The following CD84 variants were observed in gnomAD, a reference collection of about 807,000 sequenced individuals.
The protein encoded by CD84 is CD84 molecule, also known as SLAM family member 5.
CD84 carries 22 observed loss-of-function variants against 33.8 expected under a neutral mutation model. That is an observed-to-expected ratio of 0.65 (90% CI 0.46 to 0.93). The LOEUF (loss-of-function observed/expected upper bound fraction) is 0.93, where lower values mean the gene tolerates loss of function less well. Ranked by LOEUF, CD84 falls within the 40% of genes least tolerant of loss-of-function variation. The pLI, the probability that CD84 is intolerant of heterozygous loss-of-function variation, is 0.00. For missense variants in CD84, 400 were observed against 397.6 expected, an observed-to-expected ratio of 1.01 and a Z score of -0.05; for synonymous variants, 154 against 145.2, an observed-to-expected ratio of 1.06 and a Z score of -0.44.
intron 1 of CD84, among the ~76,000 whole-genome samples, chr1:160,567,578 T>A (rs1657409906): frequency 6.6e-6 from 1 of 152,168 alleles, no homozygotes; most frequent in South Asian, 2.1e-4. Flanking sequence ...GACACAGGGA[T>A]AAACAGGACA....
chr1:160,548,127 C>T lies in CD84; in HGVS notation c.*129G>A. 3 of 939,846 alleles carry T rather than the reference C, an allele frequency of 3.2e-6. No individual in the cohort carries two copies. Among genetic ancestry groups the T allele is most frequent in the East Asian group, 2.6e-5 (1 of 38,864 alleles). The allele number at this position is 939,846 out of a possible 1,614,324, so 58.2% of individuals were successfully genotyped here. ...GCCCAGCAGAAGGTTTCCTGCTTTG[C>T]TTACAGGCTGAGATGTGGCAGTTTG... On this transcript the variant is annotated 3_prime_UTR_variant, in exon 7 of 7. Transcript: ENST00000368054.
chr1:160,571,227 G>A (rs963519695), intron 1 of CD84: 1 of 151,982 alleles, frequency 6.6e-6, no homozygotes, highest in Non-Finnish European at 1.5e-5. Flanking sequence ...AGGAGAGGAG[G>A]GTCATTCAGG....
At position 160,542,909 on chromosome 1, in the gene CD84, C is replaced by T. The variant is rs1312933322; in HGVS notation, c.*5347G>A. 2 of 151,970 alleles carry T rather than the reference C, an allele frequency of 1.3e-5. No individual in the cohort carries two copies. The highest frequency in any genetic ancestry group is 2.9e-5 in the Non-Finnish European group (2 of 68,042). The allele number at this position is 151,970 out of a possible 1,614,324, so 9.4% of individuals were successfully genotyped here. On this transcript the variant is annotated 3_prime_UTR_variant, in exon 7 of 7. Coordinates refer to ENST00000368054, the MANE Select transcript of CD84 (RefSeq NM_003874.4). ...GGGGGCTTATTTAAGTCTAAACATG[C>T]ACAGTTGTTTTTTTTAACCACTAAA...
At chr1:160,554,241 A>G in intron 2 of CD84, 95 bp from the exon 3 acceptor site, 1 of 1,214,580 alleles carries the variant, frequency 8.2e-7, no homozygotes, top group Non-Finnish European at 1.1e-6. Context: ...TTTGCAAGCC[A>G]TCATTAAAAA....
chr1:160,562,319 C>G (rs1657027185), intron 2 of CD84, among the ~76,000 whole-genome samples: 1 of 152,152 alleles, frequency 6.6e-6, no homozygotes, highest in African/African-American at 2.4e-5. Flanking sequence ...TACCCAACTT[C>G]AAACTATACT....
chr1:160,556,114 C>T (rs994505348), intron 2 of CD84, among the ~76,000 whole-genome samples: 29 of 151,956 alleles, frequency 1.9e-4, no homozygotes, highest in Admixed American at 1.4e-3. Context: ...TGGTGTTTAC[C>T]AATTGTTGGG....
At chr1:160,549,584 C>T (rs1306534267) in intron 6 of CD84, among the ~76,000 whole-genome samples, 1 of 152,172 alleles carries the variant, frequency 6.6e-6, no homozygotes. Flanking sequence ...GAGGGAAGCA[C>T]CTGTTTTCTC....
rs1657264114 is a variant in CD84, at chr1:160,565,493, C to T, written c.299G>A (p.Arg100Lys). 1 of 1,613,902 alleles carries T rather than the reference C, an allele frequency of 6.2e-7. No individual in the cohort carries two copies. Among genetic ancestry groups the T allele is most frequent in the Non-Finnish European group, 8.5e-7 (1 of 1,179,878 alleles). Residue 100 changes from arginine (R) to lysine (K), a missense_variant, in exon 2 of 7, where the codon AGG becomes AAG. Coordinates refer to ENST00000368054, the MANE Select transcript of CD84 (RefSeq NM_003874.4). ...PNYNLVISDL[R>K]MEDAGDYKAD... ...TTTGTAGTCTCCTGCGTCTTCCATC[C>T]TCAGATCGCTAATGACCAGATTGTA...
intron 2 of CD84, among the ~76,000 whole-genome samples, chr1:160,559,495 A>G (rs552650349): frequency 9.8e-5 from 15 of 152,292 alleles, no homozygotes; most frequent in African/African-American, 3.4e-4. Flanking sequence ...TAAATAAGGA[A>G]AGGGAAAACA....
At chr1:160,571,977 C>T (rs780302602) in intron 1 of CD84, among the ~76,000 whole-genome samples, 1 of 151,036 alleles carries the variant, frequency 6.6e-6, no homozygotes, top group Non-Finnish European at 1.5e-5. Context: ...TAAGGAGGGT[C>T]ACACCCTCAC....
At chr1:160,562,474 G>A (rs1380701677) in intron 2 of CD84, among the ~76,000 whole-genome samples, 6 of 152,034 alleles carry the variant, frequency 3.9e-5, no homozygotes, top group Admixed American at 3.3e-4. Context: ...AATGGGAAAA[G>A]GATTCCCTAT....
intron 1 of CD84, among the ~76,000 whole-genome samples, chr1:160,575,267 T>G (rs1338508242): frequency 6.6e-6 from 1 of 152,002 alleles, no homozygotes; most frequent in East Asian, 1.9e-4. Flanking sequence ...GAGAGTCCAT[T>G]ATAACTGCTC....
intron 3 of CD84, 30 bp from the exon 4 acceptor site, chr1:160,553,527 T>G (rs1404766140): frequency 6.2e-7 from 1 of 1,613,664 alleles, no homozygotes; most frequent in Non-Finnish European, 8.5e-7. Context: ...TGAGTCTTGA[T>G]TCTCAGGAAA....
At chr1:160,553,605 G>A in intron 3 of CD84, 108 bp from the exon 4 acceptor site, 2 of 1,332,662 alleles carry the variant, frequency 1.5e-6, no homozygotes, top group African/African-American at 1.5e-5. Flanking sequence ...GCCCTCCGAA[G>A]GAGTGCCAAA....
intron 6 of CD84, among the ~76,000 whole-genome samples, chr1:160,549,075 A>T (rs1656010611): frequency 6.6e-6 from 1 of 151,846 alleles, no homozygotes; most frequent in Non-Finnish European, 1.5e-5. Context: ...AAGAAAGTAA[A>T]TGTCCCTCTA....
intron 1 of CD84, among the ~76,000 whole-genome samples, chr1:160,568,965 T>G (rs1657509109): frequency 6.6e-6 from 1 of 152,230 alleles, no homozygotes; most frequent in Non-Finnish European, 1.5e-5. Flanking sequence ...ATGCTATTTG[T>G]CCTGTTTGGT....
At chr1:160,557,550 A>G (rs1457946336) in intron 2 of CD84, among the ~76,000 whole-genome samples, 1 of 152,238 alleles carries the variant, frequency 6.6e-6, no homozygotes, top group Non-Finnish European at 1.5e-5. Context: ...GAGGCAGATG[A>G]ACAGTGAAAT....
At chr1:160,553,567 A>C in intron 3 of CD84, 70 bp from the exon 4 acceptor site, 1 of 1,571,214 alleles carries the variant, frequency 6.4e-7, no homozygotes, top group Non-Finnish European at 8.8e-7. Flanking sequence ...AGGTTTGCCC[A>C]CAGTCAGGGG....
chr1:160,555,442 T>C (rs970384149), intron 2 of CD84, among the ~76,000 whole-genome samples: 5 of 152,186 alleles, frequency 3.3e-5, no homozygotes, highest in Admixed American at 6.5e-5. Context: ...TTTTCTTTAT[T>C]TTTTAAAAAC....
Sources: gnomAD v4.1 joint callset for allele counts (sites outside exome capture counted in the v4.1 genomes callset) on GRCh38, gnomAD v4.1.1 for gene constraint, MANE v1.5 for transcripts, NCBI Gene and HGNC (gene_info 2026-07-23, HGNC 2026-07-21) for gene names.